The following PPP1R9A variants were observed in gnomAD, a reference collection of about 807,000 sequenced individuals.
PPP1R9A encodes protein phosphatase 1 regulatory subunit 9A, also known as neurabin-1.
A neutral mutation model predicts 141.9 loss-of-function variants in PPP1R9A; 59 were observed. The ratio of observed to expected loss-of-function variants is 0.42; its 90% CI spans 0.34 to 0.52. The LOEUF (loss-of-function observed/expected upper bound fraction) is 0.52, where lower values mean the gene tolerates loss of function less well. PPP1R9A is among the 20% of genes least tolerant of loss of function. PPP1R9A has a pLI of 0.10. For missense variants in PPP1R9A, 1,444 were observed against 1,611.9 expected (o/e 0.90, Z 1.78); for synonymous variants, 500 against 569.7 (o/e 0.88, Z 1.74).
intron 2 of PPP1R9A, among the ~76,000 whole-genome samples, chr7:94,975,152 T>G (rs1799287742): frequency 6.6e-6 from 1 of 152,124 alleles, no homozygotes; most frequent in South Asian, 2.1e-4. Context: ...TAACATACTC[T>G]GGTCTCAAAA....
In PPP1R9A at chr7:95,127,442, C is replaced by T. The variant is rs76639725; in HGVS notation, c.1649+6610C>T. On this transcript the variant is annotated intron_variant, in intron 4 of 19. Transcript: ENST00000433360. Reference sequence around the variant, plus strand: ...AGAGCAAATCCAGCCGAAAGTCTATCGTTACTGTTTCTGTTGCATGGAATA... The same window carrying T: ...AGAGCAAATCCAGCCGAAAGTCTATTGTTACTGTTTCTGTTGCATGGAATA... Among the ~76,000 whole-genome samples the T allele has an allele frequency of 0.022, 3,355 of 151,806 alleles. 188 individuals are homozygous for T. The East Asian group carries it at 0.25, about 11-fold the overall frequency.
chr7:95,205,006 C>CCACACACACGCCACACA (rs1483027377), intron 7 of PPP1R9A, among the ~76,000 whole-genome samples: 15 of 150,574 alleles, frequency 1.0e-4, no homozygotes, highest in Admixed American at 3.3e-4. Flanking sequence ...ACCATACACA[C>CCACACACACGCCACACA]CACACACACG....
In PPP1R9A at chr7:94,907,695, C is replaced by G. The variant is rs1027103744; in HGVS notation, c.-224C>G. On this transcript the variant is annotated 5_prime_UTR_variant, in exon 1 of 20. In the 5' UTR this introduces an upstream ATG that the reference lacks. Coordinates refer to ENST00000433360, the MANE Select transcript of PPP1R9A (RefSeq NM_001166160.2). ...TCTGCGGCCCTAGAGTTAATCCCATCAGCCGAGGTGAGGCACCTGTTACCC... is the reference window on the plus strand; with the variant it reads ...TCTGCGGCCCTAGAGTTAATCCCATGAGCCGAGGTGAGGCACCTGTTACCC... 6.6e-6 allele frequency: 1 copy of G among 151,356 alleles called. No individual in the cohort carries two copies. The highest frequency in any genetic ancestry group is 2.4e-5 in the African/African-American group (1 of 41,140). 9.4% of individuals were successfully genotyped at this position (151,356 alleles called of 1,614,324 possible).
intron 4 of PPP1R9A, among the ~76,000 whole-genome samples, chr7:95,123,302 T>C (rs1277418502): frequency 8.5e-5 from 13 of 152,222 alleles, no homozygotes; most frequent in Non-Finnish European, 1.6e-4. Context: ...AGTATACTAA[T>C]CCTGTTGTTG....
intron 4 of PPP1R9A, among the ~76,000 whole-genome samples, chr7:95,153,599 A>C (rs1163545058): frequency 6.6e-6 from 1 of 152,218 alleles, no homozygotes; most frequent in Non-Finnish European, 1.5e-5. Context: ...ATTTGTCCAA[A>C]GAATCAGTTT....
intron 2 of PPP1R9A, among the ~76,000 whole-genome samples, chr7:94,969,447 C>G (rs1166693092): frequency 6.6e-6 from 1 of 152,062 alleles, no homozygotes; most frequent in Admixed American, 6.5e-5. Flanking sequence ...TACCCCAGAG[C>G]CTGTTTGCCT....
intron 3 of PPP1R9A, among the ~76,000 whole-genome samples, chr7:95,117,052 T>G (rs1255914561): frequency 6.6e-6 from 1 of 152,172 alleles, no homozygotes; most frequent in Non-Finnish European, 1.5e-5. Context: ...GTAAAGAAAA[T>G]TTAAATGACT....
intron 5 of PPP1R9A, among the ~76,000 whole-genome samples, chr7:95,192,964 A>G (rs545959190): frequency 2.6e-5 from 4 of 152,260 alleles, no homozygotes; most frequent in South Asian, 2.1e-4. Flanking sequence ...AGATTTTTCA[A>G]TATGGGAGAT....
intron 4 of PPP1R9A, among the ~76,000 whole-genome samples, chr7:95,139,935 T>A (rs1350936193): frequency 6.6e-6 from 1 of 152,206 alleles, no homozygotes; most frequent in African/African-American, 2.4e-5. Context: ...ACTTTTTGTT[T>A]TTTGTTTTCC....
intron 8 of PPP1R9A, among the ~76,000 whole-genome samples, chr7:95,239,679 G>A (rs1470408367): frequency 6.6e-6 from 1 of 151,806 alleles, no homozygotes; most frequent in South Asian, 2.1e-4. Flanking sequence ...CTTATTTTAT[G>A]CTATATGTTT....
chr7:95,005,386 A>G (rs1803455058), intron 2 of PPP1R9A, among the ~76,000 whole-genome samples: 1 of 152,178 alleles, frequency 6.6e-6, no homozygotes. Context: ...AATGACTGGA[A>G]CATTAGTATT....
At chr7:94,951,231 TTTC>T (rs1247035894) in intron 2 of PPP1R9A, among the ~76,000 whole-genome samples, 1 of 152,128 alleles carries the variant, frequency 6.6e-6, no homozygotes, top group Non-Finnish European at 1.5e-5. Flanking sequence ...TTTTGTTTTT[TTTC>T]TTCTTTGTCT....
rs141285131 is a variant in PPP1R9A at position 95,119,017 on chromosome 7, A to G, written c.1529-1695A>G. Reference sequence around the variant, plus strand: ...AAAAAAAGAAGAAGAAGAAAGAAAAACAGAAAAAATGCTTAAGAAAGTGAA... The same window carrying G: ...AAAAAAAGAAGAAGAAGAAAGAAAAGCAGAAAAAATGCTTAAGAAAGTGAA... On this transcript the variant is annotated intron_variant, in intron 3 of 19. Transcript: ENST00000433360. Among the ~76,000 whole-genome samples the G allele has an allele frequency of 5.3e-3, 800 of 151,856 alleles. 5 individuals carry two copies. Among genetic ancestry groups the G allele is most frequent in the Admixed American group, 0.025 (383 of 15,228 alleles).
intron 2 of PPP1R9A, among the ~76,000 whole-genome samples, chr7:95,045,736 G>A (rs1274258819): frequency 6.6e-6 from 1 of 152,074 alleles, no homozygotes; most frequent in Admixed American, 6.6e-5. Flanking sequence ...TCTAGTGGGC[G>A]AGGGGAGCCC....
chr7:94,977,085 G>A (rs1283698674), intron 2 of PPP1R9A, among the ~76,000 whole-genome samples: 4 of 152,150 alleles, frequency 2.6e-5, no homozygotes, highest in African/African-American at 9.7e-5. Context: ...CTACAGTGGG[G>A]AAGACTGAAG....
At chr7:95,085,424 T>A in intron 2 of PPP1R9A, among the ~76,000 whole-genome samples, 1 of 120,520 alleles carries the variant, frequency 8.3e-6, no homozygotes, top group South Asian at 2.6e-4. Flanking sequence ...ATTTTTGGTT[T>A]TTTTTTTTTT....
At chr7:95,285,847 C>T (rs1393915806) in intron 17 of PPP1R9A, among the ~76,000 whole-genome samples, 1 of 152,140 alleles carries the variant, frequency 6.6e-6, no homozygotes, top group Non-Finnish European at 1.5e-5. Flanking sequence ...CTCTCCACAC[C>T]ATCTTGTATT....
rs575661449 is a variant in PPP1R9A, at chr7:95,120,708, A to G, written c.1529-4A>G. 1.6e-5 allele frequency: 25 copies of G among 1,604,806 alleles called. No individual in the cohort carries two copies. In the African/African-American group the frequency reaches 2.6e-4, roughly 16 times the overall value. On this transcript the variant is annotated splice_region_variant and splice_polypyrimidine_tract_variant and intron_variant, in intron 3 of 19. Transcript: ENST00000433360. ...CACCTCCCCCCTTTTTTTCTTTTTA[A>G]TAGATGAGGATGGTCTTGGTATAAG...
rs186332688 is a variant in PPP1R9A at position 95,107,690 on chromosome 7, A to G, written c.1396-3569A>G. The stretch of plus-strand genomic sequence containing the variant: ...CCAGAGCTCAAACTATATTGCCTTA[A>G]TAAGCGAAGTTTTATTATGTGTTTT... On this transcript the variant is annotated intron_variant, in intron 2 of 19. Transcript: ENST00000433360. Among the ~76,000 whole-genome samples, 25 of 152,324 alleles carry G rather than the reference A, an allele frequency of 1.6e-4. No homozygotes were observed. The East Asian group carries it at 4.4e-3, about 27-fold the overall frequency.
Sources: gnomAD v4.1 joint callset for allele counts (sites outside exome capture counted in the v4.1 genomes callset) on GRCh38, gnomAD v4.1.1 for gene constraint, MANE v1.5 for transcripts, NCBI Gene and HGNC (gene_info 2026-07-23, HGNC 2026-07-21) for gene names.